The following ZFAND3 variants were observed in gnomAD, a reference collection of about 807,000 sequenced individuals.
ZFAND3 encodes AN1-type zinc finger protein 3.
ZFAND3 carries 10 observed loss-of-function variants against 29.6 expected under a neutral mutation model. The observed-to-expected ratio is 0.34, with a 90% CI of 0.21 to 0.57. The LOEUF (loss-of-function observed/expected upper bound fraction) is 0.57, where lower values mean the gene tolerates loss of function less well. Ranked by LOEUF, ZFAND3 falls within the 20% of genes least tolerant of loss-of-function variation. The pLI, the probability that ZFAND3 is intolerant of heterozygous loss-of-function variation, is 0.86. For missense variants in ZFAND3, 230 were observed against 304.5 expected (o/e 0.76, Z 1.82); for synonymous variants, 128 against 112.6 (o/e 1.14, Z -0.87).
intron 2 of ZFAND3, among the ~76,000 whole-genome samples, chr6:37,998,321 C>G (rs1477143269): frequency 6.6e-6 from 1 of 152,110 alleles, no homozygotes; most frequent in African/African-American, 2.4e-5. Context: ...ATAGGTGAAG[C>G]ACGGGGGAAT....
intron 1 of ZFAND3, among the ~76,000 whole-genome samples, chr6:37,889,801 T>C (rs1765060506): frequency 6.6e-6 from 1 of 152,234 alleles, no homozygotes; most frequent in Admixed American, 6.5e-5. Flanking sequence ...TTGTTATTGA[T>C]AGAATCTTTA....
At chr6:38,091,037 T>C (rs578210353) in intron 4 of ZFAND3, among the ~76,000 whole-genome samples, 6 of 152,182 alleles carry the variant, frequency 3.9e-5, no homozygotes, top group Non-Finnish European at 8.8e-5. Flanking sequence ...AAGCAGGGGC[T>C]CCTCTTCTGA....
chr6:38,139,894 A>C (rs1382684167), intron 5 of ZFAND3, among the ~76,000 whole-genome samples: 2 of 152,222 alleles, frequency 1.3e-5, no homozygotes, highest in African/African-American at 4.8e-5. Context: ...AGCCCTGGAA[A>C]AAAAGATTCT....
At chr6:37,928,209 G>C (rs1157121524) in intron 1 of ZFAND3, among the ~76,000 whole-genome samples, 1 of 152,144 alleles carries the variant, frequency 6.6e-6, no homozygotes, top group Non-Finnish European at 1.5e-5. Flanking sequence ...TTAGGTCTTT[G>C]GTTCCAGCAC....
chr6:37,833,211 G>A (rs1201507889), intron 1 of ZFAND3: 1 of 152,068 alleles, frequency 6.6e-6, no homozygotes, highest in African/African-American at 2.4e-5. Flanking sequence ...CTTTTTTTAT[G>A]TGAATTTTTT....
intron 1 of ZFAND3, among the ~76,000 whole-genome samples, chr6:37,891,420 C>CA (rs1022833365): frequency 7.1e-6 from 1 of 141,794 alleles, no homozygotes; most frequent in African/African-American, 2.8e-5. Flanking sequence ...TTTCAGTCCC[C>CA]CCCCCCGCCT....
chr6:38,074,115 T>G (rs1031879340), intron 3 of ZFAND3, among the ~76,000 whole-genome samples: 9 of 152,194 alleles, frequency 5.9e-5, no homozygotes, highest in African/African-American at 1.9e-4. Context: ...TTCTCAAATG[T>G]GGTCCAAAGA....
chr6:37,998,323 CGGG>C (rs1180602884), intron 2 of ZFAND3, among the ~76,000 whole-genome samples: 1 of 152,098 alleles, frequency 6.6e-6, no homozygotes, highest in East Asian at 1.9e-4. Flanking sequence ...AGGTGAAGCA[CGGG>C]GGAATTTTTA....
chr6:38,009,948 G>A (rs1763117418), intron 2 of ZFAND3, among the ~76,000 whole-genome samples: 1 of 152,160 alleles, frequency 6.6e-6, no homozygotes, highest in Non-Finnish European at 1.5e-5. Context: ...AGAAAAAAAT[G>A]TTGGTTCCAT....
intron 3 of ZFAND3, among the ~76,000 whole-genome samples, chr6:38,076,250 T>G (rs1263758293): frequency 6.6e-6 from 1 of 152,184 alleles, no homozygotes; most frequent in Non-Finnish European, 1.5e-5. Flanking sequence ...CATTGTTTCT[T>G]GGACATCATG....
chr6:38,050,091 A>G (rs1763996629), intron 2 of ZFAND3, among the ~76,000 whole-genome samples: 1 of 151,034 alleles, frequency 6.6e-6, no homozygotes, highest in African/African-American at 2.4e-5. Context: ...AGTAGCTGGG[A>G]TCACAGGTGC....
intron 1 of ZFAND3, among the ~76,000 whole-genome samples, chr6:37,886,335 CAAAG>C (rs1006704212): frequency 3.6e-5 from 5 of 139,406 alleles, no homozygotes; most frequent in African/African-American, 1.3e-4. Flanking sequence ...ACCTTAATGA[CAAAG>C]AAACCAATGG....
chr6:38,146,181 C>G (rs1766103575), intron 5 of ZFAND3, among the ~76,000 whole-genome samples: 1 of 152,158 alleles, frequency 6.6e-6, no homozygotes, highest in South Asian at 2.1e-4. Context: ...GCGATGCTGT[C>G]TGCTCACTTG....
At chr6:38,074,714 C>A (rs986505972) in intron 3 of ZFAND3, among the ~76,000 whole-genome samples, 7 of 152,188 alleles carry the variant, frequency 4.6e-5, no homozygotes, top group Admixed American at 2.0e-4. Context: ...CGAAAATAAC[C>A]TTCTATTGGA....
intron 1 of ZFAND3, among the ~76,000 whole-genome samples, chr6:37,824,690 T>C (rs549554033): frequency 7.9e-5 from 12 of 152,214 alleles, no homozygotes; most frequent in Non-Finnish European, 1.3e-4. Flanking sequence ...TTAGGTAAAT[T>C]ATTCATTGTT....
chr6:38,108,409 C>T (rs961719721), intron 4 of ZFAND3, among the ~76,000 whole-genome samples: 31 of 152,234 alleles, frequency 2.0e-4, no homozygotes, highest in African/African-American at 5.8e-4. Flanking sequence ...AATAGAGAAG[C>T]CAATAGTGGC....
chr6:37,921,171 G>A (rs1186334533), intron 1 of ZFAND3, among the ~76,000 whole-genome samples: 2 of 152,080 alleles, frequency 1.3e-5, no homozygotes, highest in Non-Finnish European at 2.9e-5. Context: ...GTTGAATTCA[G>A]AAATGTGACT....
At chr6:37,951,545 A>T (rs761071945) in intron 2 of ZFAND3, among the ~76,000 whole-genome samples, 10 of 152,154 alleles carry the variant, frequency 6.6e-5, no homozygotes, top group Non-Finnish European at 1.2e-4. Flanking sequence ...CAGTGAGCCG[A>T]GATTGTGCCA....
intron 2 of ZFAND3, among the ~76,000 whole-genome samples, chr6:38,057,971 T>G (rs190979435): frequency 7.9e-5 from 12 of 152,216 alleles, no homozygotes. Flanking sequence ...AGAAAAGGCA[T>G]AGAAGGAGTA....
Sources: allele counts gnomAD v4.1 joint callset (sites outside exome capture counted in the v4.1 genomes callset), GRCh38; gene constraint gnomAD v4.1.1; transcripts MANE v1.5; gene names NCBI Gene and HGNC (gene_info 2026-07-23, HGNC 2026-07-21).